GRIA4: variants seen among roughly 807,000 people sequenced by gnomAD.
The protein encoded by GRIA4 is glutamate receptor 4.
In GRIA4, 34 loss-of-function variants were observed where a neutral mutation model predicts 104.0. That is an observed-to-expected ratio of 0.33 (90% CI 0.25 to 0.44). GRIA4 has a LOEUF of 0.44. Ranked by LOEUF, GRIA4 falls within the 20% of genes least tolerant of loss-of-function variation. The pLI is 1.00. For missense variants in GRIA4, 750 were observed against 1,096.5 expected, an observed-to-expected ratio of 0.68 and a Z score of 4.46; for synonymous variants, 386 against 381.9, an observed-to-expected ratio of 1.01 and a Z score of -0.13.
In GRIA4 at chr11:105,971,933, G is replaced by T; in HGVS notation, c.2314G>T (p.Val772Phe). Residue 772 changes from valine (V) to phenylalanine (F), a missense_variant, in exon 15 of 17, where the codon GTT becomes TTT. By Grantham distance (50) the Val-to-Phe change is conservative (BLOSUM62 -1). Coordinates refer to ENST00000282499, the MANE Select transcript of GRIA4 (RefSeq NM_000829.4). ...SSLRTPVNLA[V>F]LKLSEAGVLD... ...GTGAAGAACTCCTGTAAACCTTGCCGTTTTGAAACTCAGTGAGGCAGGCGT... is the reference window on the plus strand; with the variant it reads ...GTGAAGAACTCCTGTAAACCTTGCCTTTTTGAAACTCAGTGAGGCAGGCGT... The T allele has an allele frequency of 6.2e-7, 1 of 1,610,038 alleles. No individual in the cohort carries two copies. Among genetic ancestry groups the T allele is most frequent in the Non-Finnish European group, 8.5e-7 (1 of 1,176,814 alleles).
At chr11:105,866,557 A>G (rs564516026) in intron 5 of GRIA4, among the ~76,000 whole-genome samples, 6 of 101,488 alleles carry the variant, frequency 5.9e-5, no homozygotes, top group East Asian at 2.2e-4. Flanking sequence ...GTGTGTATAT[A>G]TATATATATA....
intron 12 of GRIA4, 88 bp downstream of exon 12, chr11:105,924,857 AAGAC>A (rs1199536256): frequency 3.0e-6 from 3 of 1,014,854 alleles, no homozygotes; most frequent in Non-Finnish European, 1.5e-6. Context: ...TCTTTTCCTG[AAGAC>A]AGAGGACTAT....
intron 3 of GRIA4, among the ~76,000 whole-genome samples, chr11:105,655,389 G>A (rs1414212218): frequency 1.3e-5 from 2 of 152,024 alleles, no homozygotes; most frequent in African/African-American, 4.8e-5. Context: ...TGCAGAATGT[G>A]CAGGTTTGTT....
chr11:105,877,837 T>C, intron 5 of GRIA4, among the ~76,000 whole-genome samples: 1 of 152,182 alleles, frequency 6.6e-6, no homozygotes, highest in South Asian at 2.1e-4. Flanking sequence ...CTTAGCTTCC[T>C]TGCATTGGGT....
chr11:105,854,040 A>G (rs947080277), intron 4 of GRIA4, among the ~76,000 whole-genome samples: 2 of 152,180 alleles, frequency 1.3e-5, no homozygotes, highest in African/African-American at 4.8e-5. Flanking sequence ...TCAGTATTTA[A>G]TTATCCAAAA....
intron 3 of GRIA4, among the ~76,000 whole-genome samples, chr11:105,752,308 C>A (rs989878875): frequency 7.9e-5 from 12 of 152,104 alleles, no homozygotes; most frequent in African/African-American, 2.7e-4. Flanking sequence ...CTTTTCGGCC[C>A]GCCTACAACA....
At chr11:105,881,890 C>T (rs1352869084) in intron 5 of GRIA4, among the ~76,000 whole-genome samples, 1 of 102,416 alleles carries the variant, frequency 9.8e-6, no homozygotes, top group Admixed American at 1.0e-4. Flanking sequence ...TTTTTCCCAC[C>T]CCATTTTACA....
chr11:105,684,812 G>C (rs1952823434), intron 3 of GRIA4, among the ~76,000 whole-genome samples: 2 of 151,504 alleles, frequency 1.3e-5, no homozygotes, highest in Admixed American at 1.3e-4. Flanking sequence ...TAATGCCCTA[G>C]AAAGCAGTGC....
chr11:105,615,511 C>CA (rs1241190672), intron 3 of GRIA4, among the ~76,000 whole-genome samples: 2 of 151,404 alleles, frequency 1.3e-5, no homozygotes, highest in East Asian at 1.9e-4. Context: ...ATTACAATAA[C>CA]AAAAAAAGTG....
At chr11:105,929,869 G>T (rs1275292810) in intron 13 of GRIA4, among the ~76,000 whole-genome samples, 2 of 152,056 alleles carry the variant, frequency 1.3e-5, no homozygotes, top group Admixed American at 1.3e-4. Context: ...TTAATTCCAA[G>T]AATTGTTTTA....
At position 105,716,977 on chromosome 11, in the gene GRIA4, C is replaced by T. The variant is rs901254373; in HGVS notation, c.248-36004C>T. Among the ~76,000 whole-genome samples the T allele has an allele frequency of 7.2e-5, 11 of 152,112 alleles. No individual in the cohort carries two copies. In the South Asian group the frequency reaches 2.3e-3, roughly 31 times the overall value. ...GAAAAAAGGAGAAACTGAGTCTTTG[C>T]CTTTTCTTACTCTCTGCAATCCTTA... On this transcript the variant is annotated intron_variant, in intron 3 of 16. Transcript: ENST00000282499.
chr11:105,767,243 G>C (rs538713236), intron 4 of GRIA4, among the ~76,000 whole-genome samples: 1 of 152,026 alleles, frequency 6.6e-6, no homozygotes, highest in Non-Finnish European at 1.5e-5. Context: ...TCTGAGGCCC[G>C]CTAATGAATG....
chr11:105,714,667 G>C (rs1224132575), intron 3 of GRIA4, among the ~76,000 whole-genome samples: 3 of 152,170 alleles, frequency 2.0e-5, no homozygotes, highest in African/African-American at 7.2e-5. Context: ...CTATATTGCT[G>C]AAACGAGACA....
At chr11:105,850,745 C>A (rs1255082142) in intron 4 of GRIA4, among the ~76,000 whole-genome samples, 1 of 152,090 alleles carries the variant, frequency 6.6e-6, no homozygotes, top group African/African-American at 2.4e-5. Flanking sequence ...GGCTTTACGT[C>A]CCTGTGAACT....
At chr11:105,668,218 A>AT (rs1491239226) in intron 3 of GRIA4, among the ~76,000 whole-genome samples, 2 of 10,414 alleles carry the variant, frequency 1.9e-4, no homozygotes, top group Admixed American at 4.0e-3. Context: ...ACACACACAC[A>AT]TATAATATAT....
chr11:105,838,176 G>T (rs1327062249), intron 4 of GRIA4, among the ~76,000 whole-genome samples: 1 of 152,118 alleles, frequency 6.6e-6, no homozygotes, highest in East Asian at 1.9e-4. Context: ...AAATAACTGT[G>T]CTTCTCTTTG....
At chr11:105,721,503 C>T (rs1937817486) in intron 3 of GRIA4, among the ~76,000 whole-genome samples, 1 of 152,112 alleles carries the variant, frequency 6.6e-6, no homozygotes, top group Admixed American at 6.6e-5. Flanking sequence ...TGAGCCTGGA[C>T]TCAAACAAAC....
At chr11:105,964,796 T>G (rs937184049) in intron 14 of GRIA4, among the ~76,000 whole-genome samples, 26 of 149,244 alleles carry the variant, frequency 1.7e-4, no homozygotes, top group East Asian at 1.4e-3. Context: ...TTTTTTTTGT[T>G]TTTTTTTTGT....
chr11:105,615,140 C>T (rs1950569173), intron 3 of GRIA4, among the ~76,000 whole-genome samples: 1 of 151,574 alleles, frequency 6.6e-6, no homozygotes. Context: ...TGAATAAGGG[C>T]CATTAAACAG....
Sources: gnomAD v4.1 joint callset for allele counts (sites outside exome capture counted in the v4.1 genomes callset) on GRCh38, gnomAD v4.1.1 for gene constraint, MANE v1.5 for transcripts, NCBI Gene and HGNC (gene_info 2026-07-23, HGNC 2026-07-21) for gene names.